Variants in GPR84 observed in about 807,000 individuals in gnomAD.
GPR84 encodes G-protein coupled receptor 84.
Under a neutral mutation model 14.9 loss-of-function variants are expected in GPR84, and 8 were observed. That is an observed-to-expected ratio of 0.54 (90% confidence interval 0.31 to 0.97). GPR84 has a LOEUF of 0.97. GPR84 is among the 50% of genes least tolerant of loss of function. GPR84 has a pLI of 0.04. For synonymous variants in GPR84, 164 were observed against 198.1 expected, an observed-to-expected ratio of 0.83 and a Z score of 1.45; for missense variants, 424 against 498.7, an observed-to-expected ratio of 0.85 and a Z score of 1.43.
Position 54,363,499 on chromosome 12 carries a change from C to T in GPR84, c.353G>A (p.Arg118His), listed in dbSNP as rs762850094. 2.3e-5 allele frequency: 37 copies of T among 1,613,926 alleles called. No homozygotes were observed. In the East Asian group the frequency reaches 5.3e-4, roughly 23 times the overall value. ...CTTAGGGTGGGCAATGAGGAGGTAG[C>T]GTCCCAGTGCGATGAGGCAGAGGGT... ...ILTLCLIALG[R>H]YLLIAHPKLF... Residue 118 changes from arginine (R) to histidine (H), a missense_variant, in exon 2 of 2, where the codon CGC (arginine) becomes CAC (histidine). By Grantham distance (29) the Arg-to-His change is conservative (BLOSUM62 0). Coordinates refer to ENST00000267015, the MANE Select transcript of GPR84 (RefSeq NM_020370.3).
the GPR84 span, among the ~76,000 whole-genome samples, chr12:54,356,587 T>C: frequency 2.0e-5 from 3 of 152,314 alleles, no homozygotes; most frequent in Admixed American, 6.5e-5. Flanking sequence ...GAATCTTTCA[T>C]GCCCCTTCCA....
chr12:54,363,268 C>A lies in GPR84; in HGVS notation c.584G>T (p.Gly195Val). ...IYFVLGLSSV[G>V]IFYCLIHRQV... ...GCGGTGGATGAGGCAATAGAAGATG[C>A]CAACACTGCTGAGCCCAAGCACAAA... The change falls in exon 2 of 2, where the codon GGC (glycine) becomes GTC (valine). Residue 195 changes from glycine (G) to valine (V), a missense_variant. Gly to Val is a moderately radical substitution (Grantham distance 109, BLOSUM62 -3). Transcript: ENST00000267015. 6.2e-7 allele frequency: 1 copy of A among 1,614,094 alleles called. No homozygotes were observed. The highest frequency in any genetic ancestry group is 8.5e-7 in the Non-Finnish European group (1 of 1,180,002).
chr12:54,354,125 T>C, the GPR84 span, among the ~76,000 whole-genome samples: 1 of 151,368 alleles, frequency 6.6e-6, no homozygotes, highest in African/African-American at 2.4e-5. Flanking sequence ...TCTTTTTTTT[T>C]TTTTTTTGAG....
chr12:54,363,610 T>C lies in GPR84; in HGVS notation c.242A>G (p.Tyr81Cys). 6.2e-7 allele frequency: 1 copy of C among 1,613,438 alleles called. No homozygotes were observed. Among genetic ancestry groups the C allele is most frequent in the Non-Finnish European group, 8.5e-7 (1 of 1,179,794 alleles). Residue 81 changes from tyrosine (Y) to cysteine (C), a missense_variant, in exon 2 of 2, where the codon TAC becomes TGC. Coordinates refer to ENST00000267015, the MANE Select transcript of GPR84 (RefSeq NM_020370.3). Reference sequence around the variant, plus strand: ...ACCGGTGCGCCAGTGCAGGTGGAGGTAGGTGTCCACAGAGAAGGGCTGAAG... The same window carrying C: ...ACCGGTGCGCCAGTGCAGGTGGAGGCAGGTGTCCACAGAGAAGGGCTGAAG... ...TLLQPFSVDTYLHLHWRTGAT... is the reference protein window; with the variant it reads ...TLLQPFSVDTCLHLHWRTGAT...
intron 1 of GPR84, chr12:54,364,063 A>G (rs1954303451): frequency 6.4e-6 from 3 of 465,694 alleles, no homozygotes; most frequent in African/African-American, 5.8e-5. Context: ...TCCCATTCTC[A>G]AATATTTCCC....
downstream of GPR84, among the ~76,000 whole-genome samples, chr12:54,357,840 A>C (rs1390438104): frequency 6.6e-6 from 1 of 152,186 alleles, no homozygotes; most frequent in African/African-American, 2.4e-5. Context: ...TTCTGCAAAA[A>C]TGTTGTAACT....
downstream of GPR84, among the ~76,000 whole-genome samples, chr12:54,359,560 GAT>G (rs1371328588): frequency 6.6e-6 from 1 of 152,172 alleles, no homozygotes; most frequent in Non-Finnish European, 1.5e-5. Context: ...GGCAGTGAGA[GAT>G]AGCGTCAGAA....
chr12:54,359,452 G>A (rs2137126230), downstream of GPR84, among the ~76,000 whole-genome samples: 1 of 113,260 alleles, frequency 8.8e-6, no homozygotes, highest in Non-Finnish European at 1.8e-5. Context: ...GCGGGGATTG[G>A]AGAGACGAGC....
downstream of GPR84, among the ~76,000 whole-genome samples, chr12:54,359,544 AAG>A (rs1954247923): frequency 6.6e-6 from 1 of 152,160 alleles, no homozygotes; most frequent in Non-Finnish European, 1.5e-5. Context: ...GAAAGAGACA[AAG>A]AGAGGCAGTG....
chr12:54,351,816 G>C, the GPR84 span: 1 of 152,188 alleles, frequency 6.6e-6, no homozygotes, highest in Non-Finnish European at 1.5e-5. Context: ...AAACTGCTCT[G>C]TGCAAAGAGG....
downstream of GPR84, among the ~76,000 whole-genome samples, chr12:54,359,402 C>T (rs1270119440): frequency 8.8e-5 from 13 of 148,312 alleles, no homozygotes; most frequent in African/African-American, 3.0e-4. Flanking sequence ...CAAGAACAGC[C>T]CGGGCGGGCG....
downstream of GPR84, among the ~76,000 whole-genome samples, chr12:54,358,337 G>A (rs1363760192): frequency 1.3e-5 from 2 of 152,094 alleles, no homozygotes; most frequent in Non-Finnish European, 2.9e-5. Flanking sequence ...CATAGGGGAG[G>A]AGGAGGAGCC....
chr12:54,361,185 CT>C (rs10630823), downstream of GPR84, among the ~76,000 whole-genome samples: 84 of 148,018 alleles, frequency 5.7e-4, no homozygotes, highest in African/African-American at 1.2e-3. The surrounding 1 kb of genome is among the most constrained non-coding windows in gnomAD (Gnocchi z 4.3). Flanking sequence ...TTTTTCTTTT[CT>C]TTTTTTTTTG....
In GPR84 at chr12:54,362,905, T is replaced by C. The variant is rs758163120; in HGVS notation, c.947A>G (p.Lys316Arg). Reference protein sequence around the residue: ...RAPDSSSEFGKVTRMCFAVFL... With the variant: ...RAPDSSSEFGRVTRMCFAVFL... Reference sequence around the variant, plus strand: ...CACAGCAAAACACATTCGAGTCACCTTCCCAAATTCCGATGAAGAATCCGG... The same window carrying C: ...CACAGCAAAACACATTCGAGTCACCCTCCCAAATTCCGATGAAGAATCCGG... Residue 316 changes from lysine (K) to arginine (R), a missense_variant, in exon 2 of 2, where the codon AAG becomes AGG. Physicochemically the swap from Lys to Arg is conservative, Grantham distance 26. Coordinates refer to ENST00000267015, the MANE Select transcript of GPR84 (RefSeq NM_020370.3). This position sits in a 1 kb window ranked among gnomAD's most constrained non-coding sequence, Gnocchi z 4.0. 2 of 1,614,236 alleles carry C rather than the reference T, an allele frequency of 1.2e-6. No homozygotes were observed. Among genetic ancestry groups the C allele is most frequent in the South Asian group, 2.2e-5 (2 of 91,090 alleles).
At chr12:54,358,142 CAAA>C (rs777183146), downstream of GPR84, among the ~76,000 whole-genome samples, 4 of 152,120 alleles carry the variant, frequency 2.6e-5, no homozygotes, top group African/African-American at 4.8e-5. Flanking sequence ...ATCTCACTCT[CAAA>C]GAAGCATAAA....
chr12:54,358,839 C>T (rs1954236879), downstream of GPR84, among the ~76,000 whole-genome samples: 1 of 152,130 alleles, frequency 6.6e-6, no homozygotes, highest in Non-Finnish European at 1.5e-5. Context: ...TTTCTGTCAT[C>T]CTTTTGCCCT....
intron 1 of GPR84, 100 bp from the exon 2 acceptor site, chr12:54,363,959 C>T: frequency 1.4e-6 from 1 of 720,262 alleles, no homozygotes; most frequent in Non-Finnish European, 2.2e-6. Flanking sequence ...TAAACTGTTC[C>T]TGGACCTCAC....
rs746651559 is a variant in GPR84 at position 54,363,339 on chromosome 12, G to A, written c.513C>T (p.Asp171=). The change falls in exon 2 of 2, where the codon GAC becomes GAT. Residue 171 remains aspartate, a synonymous_variant. Transcript: ENST00000267015. Reference sequence around the variant, plus strand: ...TGGTGTAAGGCCGGCCTCGGATGCGGTCAAAGCTGCAGGTGCAGACTACAG... The same window carrying A: ...TGGTGTAAGGCCGGCCTCGGATGCGATCAAAGCTGCAGGTGCAGACTACAG... ...LVPVVCTCSF[D]RIRGRPYTTI... 6 of 1,614,166 alleles carry A rather than the reference G, an allele frequency of 3.7e-6. No homozygotes were observed. The highest frequency in any genetic ancestry group is 5.1e-6 in the Non-Finnish European group (6 of 1,180,020).
downstream of GPR84, among the ~76,000 whole-genome samples, chr12:54,359,418 G>C (rs1466077082): frequency 6.6e-6 from 1 of 151,632 alleles, no homozygotes; most frequent in Non-Finnish European, 1.5e-5. Context: ...GGGCGACTGG[G>C]GAGGGGGCGG....
Sources: gnomAD v4.1 joint callset for allele counts (sites outside exome capture counted in the v4.1 genomes callset) on GRCh38, gnomAD v4.1.1 for gene constraint, Gnocchi (gnomAD v3.1) non-coding constraint, MANE v1.5 for transcripts, NCBI Gene and HGNC (gene_info 2026-07-23, HGNC 2026-07-21) for gene names.